Variants in DIABLO observed in about 807,000 individuals in gnomAD.
The protein encoded by DIABLO is diablo IAP-binding mitochondrial protein, also known as diablo homolog, mitochondrial.
Under a neutral mutation model 31.7 loss-of-function variants are expected in DIABLO, and 32 were observed. The observed-to-expected ratio is 1.01, with a 90% CI of 0.76 to 1.35. DIABLO has a LOEUF of 1.35. Ranked by LOEUF, DIABLO falls within the 40% of genes most tolerant of loss-of-function variation. The probability of loss-of-function intolerance (pLI) is 0.00; values close to 1 mark genes in which losing one functional copy is unlikely to be tolerated. For missense variants in DIABLO, 316 were observed against 286.4 expected (o/e 1.10, Z -0.75); for synonymous variants, 132 against 103.2 (o/e 1.28, Z -1.69).
chr12:122,226,677 G>A (rs1391140390), upstream of DIABLO: 1 of 619,224 alleles, frequency 1.6e-6, no homozygotes, highest in African/African-American at 1.9e-5. Flanking sequence ...ACGAAGGCCA[G>A]GAAGCCCACA....
intron 5 of DIABLO, among the ~76,000 whole-genome samples, chr12:122,215,428 A>C (rs1954186521): frequency 1.3e-5 from 2 of 151,960 alleles, no homozygotes. Flanking sequence ...AAAATACAAA[A>C]ACTATTCTCT....
intron 5 of DIABLO, among the ~76,000 whole-genome samples, chr12:122,211,664 G>A (rs1593169495): frequency 6.6e-6 from 1 of 152,152 alleles, no homozygotes; most frequent in Non-Finnish European, 1.5e-5. Context: ...CTGGGCAACA[G>A]AGCAAGACCC....
In DIABLO at chr12:122,224,522, G is replaced by C; in HGVS notation, c.173C>G (p.Pro58Arg). The change falls in exon 2 of 6, where the codon CCT becomes CGT. Residue 58 changes from proline (P) to arginine (R), a missense_variant. Pro to Arg is a moderately radical substitution (Grantham distance 103). Coordinates refer to ENST00000464942, the MANE Select transcript of DIABLO (RefSeq NM_001371333.1). ...IGFGVTLCAVPIAQKSEPHSL... is the reference protein window; with the variant it reads ...IGFGVTLCAVRIAQKSEPHSL... ...TGCACACGACAGTACCTGTGCAATA[G>C]GAACCGCACACAGGGTTACTCCAAA... is the stretch of plus-strand genomic sequence containing the variant. 6.2e-7 allele frequency: 1 copy of C among 1,613,356 alleles called. No individual in the cohort carries two copies. Among genetic ancestry groups the C allele is most frequent in the Non-Finnish European group, 8.5e-7 (1 of 1,179,908 alleles).
At chr12:122,226,301 C>T (rs1417555812), upstream of DIABLO, 2 of 670,362 alleles carry the variant, frequency 3.0e-6, no homozygotes, top group South Asian at 3.1e-5. Context: ...GGCGCCGTGA[C>T]GCTGGCGGGT....
chr12:122,209,903 A>G (rs1954041978), intron 5 of DIABLO: 2 of 664,954 alleles, frequency 3.0e-6, no homozygotes, highest in Non-Finnish European at 2.7e-6. Flanking sequence ...CCTTTATTAC[A>G]TTAAGAAAAT....
chr12:122,219,515 C>T (rs1954288646), intron 2 of DIABLO, among the ~76,000 whole-genome samples: 2 of 151,998 alleles, frequency 1.3e-5, no homozygotes, highest in Admixed American at 6.6e-5. Context: ...ATGTTGAGTG[C>T]TAATAGCTTA....
upstream of DIABLO, chr12:122,226,371 G>A (rs1178228880): frequency 1.9e-5 from 11 of 580,744 alleles, no homozygotes; most frequent in East Asian, 3.3e-4. Flanking sequence ...TTAGGGAGGC[G>A]GGGCCGGGCG....
In DIABLO at chr12:122,216,828, A is replaced by G; in HGVS notation, c.357T>C (p.Ser119=). Residue 119 remains serine, a synonymous_variant, in exon 4 of 6, where the codon AGT becomes AGC. Coordinates refer to ENST00000464942, the MANE Select transcript of DIABLO (RefSeq NM_001371333.1). Reference sequence around the variant, plus strand: ...CCTCTGAATTCATTTTCCCAAGTAAACTTGTATATTGTCGGTAAAGAGAAG... The same window carrying G: ...CCTCTGAATTCATTTTCCCAAGTAAGCTTGTATATTGTCGGTAAAGAGAAG... ...TLTSLYRQYT[S]LLGKMNSEEE... 1 of 1,614,116 alleles carries G rather than the reference A, an allele frequency of 6.2e-7. No homozygotes were observed. Among genetic ancestry groups the G allele is most frequent in the Non-Finnish European group, 8.5e-7 (1 of 1,180,018 alleles).
In DIABLO at chr12:122,211,648, T is replaced by G. The variant is rs373956168; in HGVS notation, c.524-3071A>C. Among the ~76,000 whole-genome samples the G allele has an allele frequency of 5.3e-5, 8 of 152,004 alleles. 1 individual carries two copies. The South Asian group carries it at 1.5e-3, about 28-fold the overall frequency. ...GTAAGCTGTGATCATGCCATTACAC[T>G]CCAGCCTGGGCAACAGAGCAAGACC... is the stretch of plus-strand genomic sequence containing the variant. On this transcript the variant is annotated intron_variant, in intron 5 of 5. Transcript: ENST00000464942.
rs768150897 is a variant in DIABLO at position 122,224,552 on chromosome 12, A to G, written c.143T>C (p.Ile48Thr). The change falls in exon 2 of 6, where the codon ATT becomes ACT. Residue 48 changes from isoleucine (I) to threonine (T), a missense_variant. Physicochemically the swap from Ile to Thr is moderately conservative, Grantham distance 89 (BLOSUM62 -1). Coordinates refer to ENST00000464942, the MANE Select transcript of DIABLO (RefSeq NM_001371333.1). ...LIRPWHKTVT[I>T]GFGVTLCAVP... ...CGCACACAGGGTTACTCCAAAGCCAATCGTCACAGTTTTGTGCCATGGTCT... is the reference window on the plus strand; with the variant it reads ...CGCACACAGGGTTACTCCAAAGCCAGTCGTCACAGTTTTGTGCCATGGTCT... 1.9e-6 allele frequency: 3 copies of G among 1,614,016 alleles called. No homozygotes were observed. Among genetic ancestry groups the G allele is most frequent in the Admixed American group, 1.7e-5 (1 of 59,982 alleles).
At chr12:122,224,792 A>G (rs896133261) in intron 1 of DIABLO, 148 bp from the exon 2 acceptor site, 1 of 1,556,486 alleles carries the variant, frequency 6.4e-7, no homozygotes, top group Non-Finnish European at 8.7e-7. Flanking sequence ...GAAATTTTCA[A>G]CATACACCAA....
At chr12:122,226,070 G>A (rs1362454318), upstream of DIABLO, 2 of 1,566,480 alleles carry the variant, frequency 1.3e-6, no homozygotes, top group Middle Eastern at 2.1e-4. Flanking sequence ...CTTCGTGAGC[G>A]CGGAGCGGGG....
At chr12:122,224,810 A>C in intron 1 of DIABLO, 166 bp from the exon 2 acceptor site, 2 of 1,529,228 alleles carry the variant, frequency 1.3e-6, no homozygotes, top group Non-Finnish European at 8.8e-7. Context: ...CAAGTTTAAA[A>C]TGTTGCCTCA....
In DIABLO at chr12:122,210,812, G is replaced by C. The variant is rs559957642; in HGVS notation, c.524-2235C>G. 2.6e-5 allele frequency among the ~76,000 whole-genome samples: 4 copies of C among 152,032 alleles called. No homozygotes were observed. In the South Asian group the frequency reaches 8.3e-4, roughly 32 times the overall value. ...TTTTATATTTAGTATATATACATTTGTTAGGTGTTTAAAAACCACTCTGCA... is the reference window on the plus strand; with the variant it reads ...TTTTATATTTAGTATATATACATTTCTTAGGTGTTTAAAAACCACTCTGCA... On this transcript the variant is annotated intron_variant, in intron 5 of 5. Coordinates refer to ENST00000464942, the MANE Select transcript of DIABLO (RefSeq NM_001371333.1).
chr12:122,216,351 G>A, intron 5 of DIABLO, 137 bp downstream of exon 5: 1 of 725,644 alleles, frequency 1.4e-6, no homozygotes, highest in Non-Finnish European at 2.3e-6. Flanking sequence ...GTAGGAAATG[G>A]GGAAAATTTC....
At chr12:122,225,509 G>A in intron 1 of DIABLO, 1 of 1,044,448 alleles carries the variant, frequency 9.6e-7, no homozygotes, top group Non-Finnish European at 1.2e-6. Context: ...TGTGTGTGAC[G>A]GTCCCGCTAC....
At chr12:122,224,774 G>T in intron 1 of DIABLO, 130 bp from the exon 2 acceptor site, 1 of 1,586,278 alleles carries the variant, frequency 6.3e-7, no homozygotes, top group East Asian at 2.3e-5. Context: ...GGACAGCTGA[G>T]GGGTTTTGAA....
chr12:122,211,826 C>A (rs943275048), intron 5 of DIABLO, among the ~76,000 whole-genome samples: 2 of 152,122 alleles, frequency 1.3e-5, no homozygotes, highest in Admixed American at 6.5e-5. Flanking sequence ...TCATTAAGTA[C>A]ATTTCATGAT....
At chr12:122,210,006 T>C in intron 5 of DIABLO, 1 of 580,782 alleles carries the variant, frequency 1.7e-6, no homozygotes, top group African/African-American at 1.9e-5. Flanking sequence ...TCTCCTTTAA[T>C]CTATGGATAT....
Sources: allele counts gnomAD v4.1 joint callset (sites outside exome capture counted in the v4.1 genomes callset), GRCh38; gene constraint gnomAD v4.1.1; transcripts MANE v1.5; gene names NCBI Gene and HGNC (gene_info 2026-07-23, HGNC 2026-07-21).